The following COL25A1 variants were observed in gnomAD, a reference collection of about 807,000 sequenced individuals.
The protein encoded by COL25A1 is collagen type XXV alpha 1 chain, also known as collagen alpha-1(XXV) chain.
A neutral mutation model predicts 128.4 loss-of-function variants in COL25A1; 103 were observed. The ratio of observed to expected loss-of-function variants is 0.80; its 90% CI spans 0.68 to 0.94. The LOEUF (loss-of-function observed/expected upper bound fraction) is 0.94, where lower values mean the gene tolerates loss of function less well. Among genes scored for constraint, COL25A1 ranks in the 40% least tolerant of loss-of-function variants. The pLI is 0.00. For missense variants in COL25A1, 745 were observed against 840.0 expected, an observed-to-expected ratio of 0.89 and a Z score of 1.40; for synonymous variants, 279 against 277.2, an observed-to-expected ratio of 1.01 and a Z score of -0.06.
chr4:109,141,309 T>C (rs1481713622), intron 3 of COL25A1, among the ~76,000 whole-genome samples: 1 of 152,208 alleles, frequency 6.6e-6, no homozygotes. Flanking sequence ...GATAAGCTTT[T>C]TGATGTGCTG....
chr4:108,910,628 T>G (rs1276924807), intron 13 of COL25A1, among the ~76,000 whole-genome samples: 2 of 152,224 alleles, frequency 1.3e-5, no homozygotes, highest in Non-Finnish European at 2.9e-5. Flanking sequence ...TACTATGCAG[T>G]GGAAGCATAC....
In COL25A1 at chr4:108,884,189, G is replaced by A. The variant is rs1164785493; in HGVS notation, c.1009C>T (p.Pro337Ser). The change falls in exon 19 of 38, where the codon CCG becomes TCG. Residue 337 changes from proline to serine, a missense_variant. Pro to Ser is a moderately conservative substitution (Grantham distance 74). Coordinates refer to ENST00000399132, the MANE Select transcript of COL25A1 (RefSeq NM_198721.4). ...EPGLPGLPGL[P>S]GIKGEPGFIG... is the part of the protein sequence containing the mutation. ...CGTGCAGTATTTACCTTTATCCCCG[G>A]AAGTCCAGGAAGCCCAGGAAGCCCT... The A allele has an allele frequency of 4.3e-6, 7 of 1,613,542 alleles. No homozygotes were observed. The African/African-American group carries it at 8.0e-5, about 18-fold the overall frequency.
intron 3 of COL25A1, among the ~76,000 whole-genome samples, chr4:109,143,407 A>G (rs1770625231): frequency 6.6e-6 from 1 of 151,970 alleles, no homozygotes; most frequent in African/African-American, 2.4e-5. Flanking sequence ...CTCGAGGAGT[A>G]TCTTTGTGGT....
intron 3 of COL25A1, among the ~76,000 whole-genome samples, chr4:109,245,632 C>G (rs1780205820): frequency 6.6e-6 from 1 of 152,126 alleles, no homozygotes; most frequent in African/African-American, 2.4e-5. Flanking sequence ...AGCTTGGGTT[C>G]ATGAGTACAG....
At chr4:109,235,405 G>C (rs552707962) in intron 3 of COL25A1, among the ~76,000 whole-genome samples, 3 of 152,192 alleles carry the variant, frequency 2.0e-5, no homozygotes, top group South Asian at 4.1e-4. Flanking sequence ...TGCCTATCCA[G>C]GGAAGATCTG....
intron 3 of COL25A1, among the ~76,000 whole-genome samples, chr4:109,287,200 T>C (rs1560983790): frequency 6.6e-6 from 1 of 152,214 alleles, no homozygotes; most frequent in South Asian, 2.1e-4. Context: ...CTACAGGCCA[T>C]ACTTTTGTAA....
At chr4:109,137,986 G>GTGTGTGTGTC in intron 3 of COL25A1, among the ~76,000 whole-genome samples, 1 of 47,100 alleles carries the variant, frequency 2.1e-5, no homozygotes, top group Non-Finnish European at 9.8e-5. Flanking sequence ...ATATATATAT[G>GTGTGTGTGTC]TGTGTGTGTG....
At chr4:109,082,152 T>C (rs892110110) in intron 3 of COL25A1, among the ~76,000 whole-genome samples, 1 of 152,224 alleles carries the variant, frequency 6.6e-6, no homozygotes, top group South Asian at 2.1e-4. Flanking sequence ...TTCAATTTCA[T>C]AGCTGAGTAC....
intron 3 of COL25A1, among the ~76,000 whole-genome samples, chr4:109,258,560 A>G (rs1427118879): frequency 1.3e-5 from 2 of 152,210 alleles, no homozygotes; most frequent in Non-Finnish European, 2.9e-5. Flanking sequence ...AGTAATCACT[A>G]TCATTGTTAC....
chr4:109,225,812 T>C (rs985128689), intron 3 of COL25A1, among the ~76,000 whole-genome samples: 3 of 152,044 alleles, frequency 2.0e-5, no homozygotes, highest in African/African-American at 7.2e-5. Context: ...TACAATTTCA[T>C]TGTGTGCACA....
intron 3 of COL25A1, among the ~76,000 whole-genome samples, chr4:109,239,378 G>A (rs1227449749): frequency 1.2e-5 from 1 of 83,010 alleles, no homozygotes; most frequent in African/African-American, 5.5e-5. Context: ...GTGTGTGTAT[G>A]TGTGTGTGTG....
chr4:109,287,845 T>A (rs1244606797), intron 3 of COL25A1, among the ~76,000 whole-genome samples: 1 of 152,020 alleles, frequency 6.6e-6, no homozygotes, highest in Non-Finnish European at 1.5e-5. Context: ...GCTGATAAAG[T>A]GGGTTGCATG....
intron 3 of COL25A1, among the ~76,000 whole-genome samples, chr4:109,264,719 C>T (rs1286115058): frequency 6.6e-6 from 1 of 152,094 alleles, no homozygotes; most frequent in Non-Finnish European, 1.5e-5. Context: ...CAGATCAGGC[C>T]CACTGATCAA....
Position 109,302,151 on chromosome 4 carries a change from C to A in COL25A1, c.-57+18G>T. 2 of 1,237,302 alleles carry A rather than the reference C, an allele frequency of 1.6e-6. No homozygotes were observed. Among genetic ancestry groups the A allele is most frequent in the Non-Finnish European group, 2.2e-6 (2 of 919,690 alleles). 76.6% of individuals were successfully genotyped at this position (1,237,302 alleles called of 1,614,324 possible). ...GCACAACTAGTTGGTGGAGTCAAGC[C>A]CACGAGCGGATACGGACCCCTGCCT... On this transcript the variant is annotated intron_variant, in intron 1 of 37. Transcript: ENST00000399132.
chr4:108,825,938 G>C (rs1732324233), intron 33 of COL25A1, among the ~76,000 whole-genome samples: 1 of 152,140 alleles, frequency 6.6e-6, no homozygotes, highest in African/African-American at 2.4e-5. Flanking sequence ...TCATGGTGAT[G>C]ACCCTATTGT....
chr4:109,238,592 G>T (rs2126228216), intron 3 of COL25A1, among the ~76,000 whole-genome samples: 1 of 152,038 alleles, frequency 6.6e-6, no homozygotes, highest in South Asian at 2.1e-4. Context: ...TCAATTTTCT[G>T]CCAAATGAAT....
intron 3 of COL25A1, among the ~76,000 whole-genome samples, chr4:109,180,491 C>T (rs1032905579): frequency 4.0e-5 from 6 of 151,884 alleles, no homozygotes; most frequent in African/African-American, 1.5e-4. Flanking sequence ...TAAAATGGGG[C>T]TAAAAGTTGT....
chr4:108,979,601 G>C (rs1282405244), intron 6 of COL25A1, among the ~76,000 whole-genome samples: 1 of 152,124 alleles, frequency 6.6e-6, no homozygotes, highest in African/African-American at 2.4e-5. Flanking sequence ...GGGAATTCTT[G>C]GCAGCCCGAG....
rs199966713 is a variant in COL25A1, at chr4:109,300,183, A to AC, written c.367+399_367+400insG. Among the ~76,000 whole-genome samples, 621 of 119,004 alleles carry AC rather than the reference A, an allele frequency of 5.2e-3. 4 individuals are homozygous for AC. Among genetic ancestry groups the AC allele is most frequent in the East Asian group, 0.023 (103 of 4,468 alleles). 78.1% of individuals were successfully genotyped at this position (119,004 alleles called of 152,430 possible). On this transcript the variant is annotated intron_variant, in intron 3 of 37. Coordinates refer to ENST00000399132, the MANE Select transcript of COL25A1 (RefSeq NM_198721.4). ...ATGCCAAAGGGAATAAACCAAAACA[A>AC]AAAAAAAAAAAAACTCTGCACTAAC...
Sources: allele counts gnomAD v4.1 joint callset (sites outside exome capture counted in the v4.1 genomes callset), GRCh38; gene constraint gnomAD v4.1.1; transcripts MANE v1.5; gene names NCBI Gene and HGNC (gene_info 2026-07-23, HGNC 2026-07-21).